CREB5: variants seen among roughly 807,000 people sequenced by gnomAD.
The protein encoded by CREB5 is cAMP responsive element binding protein 5.
CREB5 carries 19 observed loss-of-function variants against 57.1 expected under a neutral mutation model. The ratio of observed to expected loss-of-function variants is 0.33; its 90% CI spans 0.23 to 0.49. The LOEUF is 0.49. CREB5 is among the 20% of genes least tolerant of loss of function. The pLI is 0.99. For missense variants in CREB5, 579 were observed against 671.6 expected, an observed-to-expected ratio of 0.86 and a Z score of 1.52; for synonymous variants, 238 against 238.3, an observed-to-expected ratio of 1.00 and a Z score of 0.01.
intron 1 of CREB5, among the ~76,000 whole-genome samples, chr7:28,319,398 T>C (rs1470085203): frequency 6.6e-6 from 1 of 152,202 alleles, no homozygotes; most frequent in Non-Finnish European, 1.5e-5. Flanking sequence ...TGTTGGCAAG[T>C]TGCAGGGTAG....
chr7:28,790,470 G>A (rs965380384), intron 7 of CREB5, among the ~76,000 whole-genome samples: 2 of 141,372 alleles, frequency 1.4e-5, no homozygotes, highest in Admixed American at 1.4e-4. Context: ...GATAGAGAGA[G>A]AGAGAAAGAA....
At chr7:28,763,251 C>T (rs1045163079) in intron 7 of CREB5, among the ~76,000 whole-genome samples, 2 of 152,116 alleles carry the variant, frequency 1.3e-5, no homozygotes, top group African/African-American at 2.4e-5. Flanking sequence ...CCTCTGCATC[C>T]TTAGTAGCTA....
intron 1 of CREB5, among the ~76,000 whole-genome samples, chr7:28,368,066 C>T (rs1463884381): frequency 6.6e-6 from 1 of 152,134 alleles, no homozygotes; most frequent in African/African-American, 2.4e-5. Context: ...CATGTTACTC[C>T]ACTGGCTAAA....
Position 28,516,603 on chromosome 7 carries a change from C to G in CREB5, c.291+8866C>G, listed in dbSNP as rs572355419. Among the ~76,000 whole-genome samples the G allele has an allele frequency of 3.3e-5, 5 of 152,308 alleles. No individual in the cohort carries two copies. The South Asian group carries it at 1.0e-3, about 32-fold the overall frequency. On this transcript the variant is annotated intron_variant, in intron 4 of 10. Transcript: ENST00000357727. ...CTCCCATCAGGCAGCCTTACTGCAG[C>G]TGAAAATCAGTCCAAGTGGATTCTA... is the stretch of plus-strand genomic sequence containing the variant.
intron 5 of CREB5, among the ~76,000 whole-genome samples, chr7:28,662,731 G>A (rs1374331790): frequency 6.6e-6 from 1 of 152,098 alleles, no homozygotes; most frequent in Non-Finnish European, 1.5e-5. Flanking sequence ...GGATAAGAAA[G>A]GGCAAAAAAG....
chr7:28,374,890 A>T (rs1786790478), intron 1 of CREB5, among the ~76,000 whole-genome samples: 1 of 152,140 alleles, frequency 6.6e-6, no homozygotes, highest in Non-Finnish European at 1.5e-5. Context: ...ATGCACAATA[A>T]CAGAGAGCTC....
At chr7:28,383,766 C>A (rs6462082) in intron 1 of CREB5, among the ~76,000 whole-genome samples, 150,590 of 152,322 alleles carry the variant, frequency 0.99, 74,466 homozygotes, top group East Asian at 1. Context: ...ACTGGACATG[C>A]GATTTGGGTG....
chr7:28,329,508 A>G (rs544414578), intron 1 of CREB5, among the ~76,000 whole-genome samples: 7 of 152,360 alleles, frequency 4.6e-5, no homozygotes, highest in African/African-American at 1.7e-4. Flanking sequence ...TTCAAATTGT[A>G]AACATTCCCA....
intron 5 of CREB5, among the ~76,000 whole-genome samples, chr7:28,580,584 TGTGTGTGTGA>T (rs1025161053): frequency 5.5e-5 from 8 of 146,132 alleles, no homozygotes; most frequent in South Asian, 2.2e-4. Context: ...TGTGTGTGTG[TGTGTGTGTGA>T]GAGAGAGATA....
intron 5 of CREB5, among the ~76,000 whole-genome samples, chr7:28,574,144 T>C (rs1316301784): frequency 6.6e-6 from 1 of 152,168 alleles, no homozygotes; most frequent in African/African-American, 2.4e-5. Flanking sequence ...ATGGTAGCGT[T>C]TTCAGAGATA....
At chr7:28,321,403 G>C (rs1485367357) in intron 1 of CREB5, among the ~76,000 whole-genome samples, 1 of 152,004 alleles carries the variant, frequency 6.6e-6, no homozygotes, top group Non-Finnish European at 1.5e-5. Flanking sequence ...AAAATCAGGG[G>C]GAAAAAACAT....
intron 4 of CREB5, among the ~76,000 whole-genome samples, chr7:28,529,112 GC>G (rs1345278408): frequency 6.6e-6 from 1 of 152,246 alleles, no homozygotes; most frequent in Non-Finnish European, 1.5e-5. Context: ...CAACTCTAAA[GC>G]TATGACCTGG....
chr7:28,538,333 C>T (rs1794059251), intron 4 of CREB5, among the ~76,000 whole-genome samples: 2 of 152,210 alleles, frequency 1.3e-5, no homozygotes, highest in Non-Finnish European at 2.9e-5. Flanking sequence ...GGATTACAGA[C>T]GTGAGCCACC....
At chr7:28,384,256 T>C (rs1465547839) in intron 1 of CREB5, among the ~76,000 whole-genome samples, 2 of 152,218 alleles carry the variant, frequency 1.3e-5, no homozygotes, top group African/African-American at 4.8e-5. Flanking sequence ...CAGTGCGCAG[T>C]ACTGCTGGTG....
intron 5 of CREB5, among the ~76,000 whole-genome samples, chr7:28,692,061 A>T (rs1801297908): frequency 6.6e-6 from 1 of 150,778 alleles, no homozygotes; most frequent in Non-Finnish European, 1.5e-5. Flanking sequence ...TGGCATGCGC[A>T]CGTAGTCCCA....
chr7:28,528,883 TC>T, intron 4 of CREB5, among the ~76,000 whole-genome samples: 1 of 152,196 alleles, frequency 6.6e-6, no homozygotes, highest in Non-Finnish European at 1.5e-5. Flanking sequence ...TCTCAGAATC[TC>T]TCTGGTGGCT....
At chr7:28,480,557 T>A (rs1160141711) in intron 1 of CREB5, among the ~76,000 whole-genome samples, 2 of 98,760 alleles carry the variant, frequency 2.0e-5, no homozygotes. Context: ...GAAGAGAGTT[T>A]GCCACCAGTC....
chr7:28,556,319 G>A (rs532597937), intron 4 of CREB5, among the ~76,000 whole-genome samples: 1 of 152,274 alleles, frequency 6.6e-6, no homozygotes, highest in African/African-American at 2.4e-5. Context: ...GGAAGCTGTG[G>A]CCTTAAAGTG....
intron 5 of CREB5, among the ~76,000 whole-genome samples, chr7:28,691,420 CAAA>C (rs60338671): frequency 5.4e-5 from 5 of 92,554 alleles, no homozygotes; most frequent in Admixed American, 2.3e-4. Context: ...ACTCTGTCTC[CAAA>C]AAAAAAAAAA....
Sources: gnomAD v4.1 joint callset for allele counts (sites outside exome capture counted in the v4.1 genomes callset) on GRCh38, gnomAD v4.1.1 for gene constraint, MANE v1.5 for transcripts, NCBI Gene and HGNC (gene_info 2026-07-23, HGNC 2026-07-21) for gene names.